The following EXD3 variants were observed in gnomAD, a reference collection of about 807,000 sequenced individuals.
The protein encoded by EXD3 is exonuclease 3'-5' domain containing 3.
EXD3 carries 92 observed loss-of-function variants against 98.0 expected under a neutral mutation model. That is an observed-to-expected ratio of 0.94 (90% CI 0.79 to 1.12). The LOEUF is 1.12. Among genes scored for constraint, EXD3 ranks in the 50% most tolerant of loss-of-function variants. EXD3 has a pLI of 0.00. For missense variants in EXD3, 1,222 were observed against 1,191.6 expected, an observed-to-expected ratio of 1.03 and a Z score of -0.38; for synonymous variants, 569 against 526.0, an observed-to-expected ratio of 1.08 and a Z score of -1.12.
intron 7 of EXD3, chr9:137,365,896 C>T (rs1156412619): frequency 5.1e-6 from 2 of 392,426 alleles, no homozygotes; most frequent in East Asian, 1.3e-4. Flanking sequence ...CACCTGCAGG[C>T]ACACACATAC....
At chr9:137,350,166 G>C (rs1162868444) in intron 14 of EXD3, among the ~76,000 whole-genome samples, 1 of 63,444 alleles carries the variant, frequency 1.6e-5, no homozygotes, top group Non-Finnish European at 2.9e-5. Flanking sequence ...GTTCTAGATA[G>C]AGAGGGATGG....
intron 3 of EXD3, 24 bp downstream of exon 3, chr9:137,383,289 G>A (rs772013123): frequency 3.5e-5 from 54 of 1,543,242 alleles, no homozygotes; most frequent in Admixed American, 2.9e-4. Flanking sequence ...GACTTGGCAC[G>A]TGGTGGCTGC....
Position 137,309,583 on chromosome 9 carries a change from A to C in EXD3, c.2278+24T>G, listed in dbSNP as rs757060676. The C allele has an allele frequency of 4.5e-5, 70 of 1,543,032 alleles. 1 individual carries two copies. Among genetic ancestry groups the C allele is most frequent in the Non-Finnish European group, 5.9e-5 (67 of 1,140,336 alleles). On this transcript the variant is annotated intron_variant, in intron 20 of 21. Transcript: ENST00000340951. ...GACCCATCCCAGGCCCCCCAGACCC[A>C]GTGCCTGACCCTGACACACTCACCT...
At chr9:137,364,583 C>T (rs533447257) in intron 7 of EXD3, among the ~76,000 whole-genome samples, 4 of 151,582 alleles carry the variant, frequency 2.6e-5, no homozygotes, top group Admixed American at 1.3e-4. Context: ...GATTGCGCCA[C>T]TGCACTCCAG....
Position 137,403,065 on chromosome 9 carries a change from A to G in EXD3, c.-47-7661T>C, listed in dbSNP as rs1837541890. 6.6e-6 allele frequency among the ~76,000 whole-genome samples: 1 copy of G among 152,128 alleles called. No homozygotes were observed. On this transcript the variant is annotated intron_variant, in intron 1 of 21. Coordinates refer to ENST00000340951, the MANE Select transcript of EXD3 (RefSeq NM_017820.5). The surrounding 1 kb of genome is among the most constrained non-coding windows in gnomAD (Gnocchi z 6.1). ...TACAATTCAAGTTGAGATGTGGGTG[A>G]GGACACAGCCAAAGCATATCACCCG...
chr9:137,314,014 AT>A (rs1831502465), intron 19 of EXD3, among the ~76,000 whole-genome samples: 1 of 152,012 alleles, frequency 6.6e-6, no homozygotes, highest in South Asian at 2.1e-4. Flanking sequence ...GACATTGCAC[AT>A]TTGGTCCCTG....
Position 137,349,495 on chromosome 9 carries a change from T to A in EXD3, c.1531A>T (p.Arg511Trp), listed in dbSNP as rs746741206. 7.5e-6 allele frequency: 12 copies of A among 1,601,640 alleles called. No homozygotes were observed. The highest frequency in any genetic ancestry group is 9.3e-6 in the Non-Finnish European group (11 of 1,176,556). ...CTCAGGCCCCTCAGCTCCCTGGCCC[T>A]GTCCACGGCTGGGGCTGGCACGCTC... Reference protein sequence around the residue: ...VASVPAPAVDRARELRGLSLL... With the variant: ...VASVPAPAVDWARELRGLSLL... Residue 511 changes from arginine (R) to tryptophan (W), a missense_variant, in exon 15 of 22, where the codon AGG (arginine) becomes TGG (tryptophan). Physicochemically the swap from Arg to Trp is moderately radical, Grantham distance 101. Transcript: ENST00000340951. This position sits in a 1 kb window ranked among gnomAD's most constrained non-coding sequence, Gnocchi z 7.4.
chr9:137,323,951 T>C (rs1448508528), intron 18 of EXD3, 95 bp from the exon 19 acceptor site: 2 of 1,529,266 alleles, frequency 1.3e-6, no homozygotes, highest in Non-Finnish European at 1.8e-6. Flanking sequence ...AGGAGCCTTC[T>C]CTCGGCCCAC....
At chr9:137,319,620 G>A (rs920265363) in intron 19 of EXD3, among the ~76,000 whole-genome samples, 7 of 152,188 alleles carry the variant, frequency 4.6e-5, no homozygotes, top group African/African-American at 1.7e-4. Context: ...GGCCCTCCAG[G>A]CCCTGAGCAC....
chr9:137,403,770 T>C lies in EXD3; in HGVS notation c.-47-8366A>G, dbSNP rs991383560. Among the ~76,000 whole-genome samples, 3 of 152,154 alleles carry C rather than the reference T, an allele frequency of 2.0e-5. No individual in the cohort carries two copies. Among genetic ancestry groups the C allele is most frequent in the Non-Finnish European group, 4.4e-5 (3 of 68,030 alleles). ...TCCAAGGGCTCCAGAAAGTGGTCGC[T>C]GCCCTTCTCAGAAGGCCCTCTCCAC... On this transcript the variant is annotated intron_variant, in intron 1 of 21. Transcript: ENST00000340951. The surrounding 1 kb of genome is among the most constrained non-coding windows in gnomAD (Gnocchi z 6.1).
At chr9:137,411,056 G>C (rs943009282) in intron 1 of EXD3, among the ~76,000 whole-genome samples, 1 of 152,246 alleles carries the variant, frequency 6.6e-6, no homozygotes, top group Non-Finnish European at 1.5e-5. Context: ...GCGCTGAGCA[G>C]GTGTCCAGGT....
rs1835338472 is a variant in EXD3, at chr9:137,367,717, G to C, written c.516+219C>G. 3 of 524,832 alleles carry C rather than the reference G, an allele frequency of 5.7e-6. No homozygotes were observed. In the Admixed American group the frequency reaches 9.9e-5, roughly 17 times the overall value. The allele number at this position is 524,832 out of a possible 1,614,324, so 32.5% of individuals were successfully genotyped here. A position where few individuals can be genotyped will look rare whatever the true frequency, so the allele number is the denominator to read the frequency against. ...CACTCAGGGCTTCAGGGGACAGCTG[G>C]ACACGGGGTTCGTGTACGTGCGGCT... On this transcript the variant is annotated intron_variant, in intron 6 of 21. Coordinates refer to ENST00000340951, the MANE Select transcript of EXD3 (RefSeq NM_017820.5).
At chr9:137,346,125 G>C (rs900409276) in intron 17 of EXD3, 1 of 150,952 alleles carries the variant, frequency 6.6e-6, no homozygotes, top group Non-Finnish European at 1.5e-5. Context: ...TGTAGTTCCA[G>C]CTACTCGGGA....
chr9:137,316,714 G>C (rs2119071174), intron 19 of EXD3, among the ~76,000 whole-genome samples: 1 of 152,356 alleles, frequency 6.6e-6, no homozygotes, highest in East Asian at 1.9e-4. Flanking sequence ...GGACAACAGA[G>C]TGGGGCGAGG....
At chr9:137,397,260 G>A (rs907202829) in intron 1 of EXD3, among the ~76,000 whole-genome samples, 3 of 152,186 alleles carry the variant, frequency 2.0e-5, no homozygotes, top group African/African-American at 4.8e-5. Context: ...GAAAGCCGGA[G>A]GACAGATCCA....
intron 2 of EXD3, among the ~76,000 whole-genome samples, chr9:137,384,120 C>T (rs1026554620): frequency 5.9e-5 from 9 of 152,162 alleles, no homozygotes; most frequent in African/African-American, 2.2e-4. Flanking sequence ...GTGGATTCCG[C>T]AGTGAACTCC....
chr9:137,406,903 G>T (rs540392833), intron 1 of EXD3, among the ~76,000 whole-genome samples: 2 of 152,002 alleles, frequency 1.3e-5, no homozygotes, highest in Non-Finnish European at 2.9e-5. Flanking sequence ...TGCGCGCTGC[G>T]GGGACCCGAC....
At chr9:137,381,463 T>C (rs1211340094) in intron 3 of EXD3, among the ~76,000 whole-genome samples, 1 of 146,632 alleles carries the variant, frequency 6.8e-6, no homozygotes, top group Non-Finnish European at 1.5e-5. Context: ...CACCACAGGC[T>C]GCTGGGCAGT....
intron 7 of EXD3, among the ~76,000 whole-genome samples, chr9:137,357,879 C>T (rs949583389): frequency 2.0e-5 from 3 of 151,926 alleles, no homozygotes; most frequent in East Asian, 1.9e-4. Flanking sequence ...GTCTGATGTT[C>T]GAGGGCAGGA....
Sources: gnomAD v4.1 joint callset for allele counts (sites outside exome capture counted in the v4.1 genomes callset) on GRCh38, gnomAD v4.1.1 for gene constraint, Gnocchi (gnomAD v3.1) non-coding constraint, MANE v1.5 for transcripts, NCBI Gene and HGNC (gene_info 2026-07-23, HGNC 2026-07-21) for gene names.